EMC8: variants seen among roughly 807,000 people sequenced by gnomAD.
The protein encoded by EMC8 is COX4 neighbor.
In EMC8, 11 loss-of-function variants were observed where a neutral mutation model predicts 24.3. That is an observed-to-expected ratio of 0.45 (90% CI 0.28 to 0.75). The LOEUF is 0.75. Ranked by LOEUF, EMC8 falls within the 30% of genes least tolerant of loss-of-function variation. The probability of loss-of-function intolerance (pLI) is 0.12; values close to 1 mark genes in which losing one functional copy is unlikely to be tolerated. For missense variants in EMC8, 277 were observed against 282.7 expected (o/e 0.98, Z 0.14); for synonymous variants, 145 against 117.7 (o/e 1.23, Z -1.50).
intron 1 of EMC8, among the ~76,000 whole-genome samples, chr16:85,797,806 T>A (rs966067685): frequency 6.6e-6 from 1 of 152,252 alleles, no homozygotes; most frequent in Admixed American, 6.5e-5. Flanking sequence ...TTAGCTACTA[T>A]TTTTTAGCAT....
chr16:85,786,823 G>A (rs1253539135), intron 2 of EMC8, among the ~76,000 whole-genome samples: 1 of 152,180 alleles, frequency 6.6e-6, no homozygotes, highest in African/African-American at 2.4e-5. Context: ...TCAGCACAGA[G>A]GTAAGAACAT....
intron 4 of EMC8, 192 bp downstream of exon 4, chr16:85,780,187 G>T (rs193201042): frequency 3.3e-6 from 2 of 612,620 alleles, no homozygotes; most frequent in East Asian, 5.5e-5. Flanking sequence ...GGGAAGACCT[G>T]TGGGTACCAC....
intron 1 of EMC8, among the ~76,000 whole-genome samples, chr16:85,798,354 T>C (rs1905364575): frequency 6.6e-6 from 1 of 152,072 alleles, no homozygotes; most frequent in South Asian, 2.1e-4. Flanking sequence ...ACTTCTGACC[T>C]CAGGTGATCC....
intron 1 of EMC8, among the ~76,000 whole-genome samples, chr16:85,797,392 G>A (rs1389864373): frequency 1.3e-5 from 2 of 152,054 alleles, no homozygotes; most frequent in East Asian, 3.9e-4. Context: ...TGGGTGACAA[G>A]AGCGAAACTC....
intron 1 of EMC8, among the ~76,000 whole-genome samples, chr16:85,791,254 C>T (rs1039118423): frequency 2.0e-5 from 3 of 151,964 alleles, no homozygotes; most frequent in Admixed American, 6.6e-5. Flanking sequence ...CTTCAAATTC[C>T]CTAATTTCTT....
chr16:85,799,146 G>C lies in EMC8; in HGVS notation c.150C>G (p.His50Gln). 1 of 1,604,642 alleles carries C rather than the reference G, an allele frequency of 6.2e-7. No individual in the cohort carries two copies. ...EHLPLGGPGAHHTLFVDCIPL... is the reference protein window; with the variant it reads ...EHLPLGGPGAQHTLFVDCIPL... Reference sequence around the variant, plus strand: ...GGATGCAGTCCACGAAGAGGGTGTGGTGGGCGCCGGGGCCGCCCAGGGGGA... The same window carrying C: ...GGATGCAGTCCACGAAGAGGGTGTGCTGGGCGCCGGGGCCGCCCAGGGGGA... The change falls in exon 1 of 5, where the codon CAC becomes CAG. Residue 50 changes from histidine to glutamine, a missense_variant. His to Gln is a conservative substitution (Grantham distance 24, BLOSUM62 0). Coordinates refer to ENST00000253457, the MANE Select transcript of EMC8 (RefSeq NM_006067.5). The surrounding 1 kb of genome is among the most constrained non-coding windows in gnomAD (Gnocchi z 4.2).
chr16:85,786,367 A>G (rs1445764782), intron 2 of EMC8, among the ~76,000 whole-genome samples: 1 of 152,218 alleles, frequency 6.6e-6, no homozygotes, highest in East Asian at 1.9e-4. Context: ...AAGCAAAACC[A>G]TACTTAAGTC....
intron 1 of EMC8, among the ~76,000 whole-genome samples, chr16:85,794,455 G>A (rs951477048): frequency 3.9e-5 from 6 of 152,178 alleles, no homozygotes; most frequent in African/African-American, 4.8e-5. Context: ...TTGGGAGGGC[G>A]AGGCGAGCGG....
intron 1 of EMC8, chr16:85,792,330 G>C (rs1337486686): frequency 6.6e-6 from 1 of 152,194 alleles, no homozygotes; most frequent in East Asian, 1.9e-4. Flanking sequence ...TCTTTGAAGA[G>C]GTTGCCCTTA....
intron 1 of EMC8, among the ~76,000 whole-genome samples, chr16:85,792,071 A>G (rs1206265484): frequency 6.6e-6 from 1 of 152,106 alleles, no homozygotes; most frequent in East Asian, 1.9e-4. Context: ...TCAGTTGGCT[A>G]CTCCATCTCT....
intron 3 of EMC8, chr16:85,780,706 A>G (rs995144086): frequency 1.6e-5 from 9 of 562,858 alleles, no homozygotes; most frequent in South Asian, 4.2e-5. Context: ...GCTTCCAAAC[A>G]TGACTTCTTC....
At chr16:85,782,161 C>T (rs1381978719) in intron 2 of EMC8, among the ~76,000 whole-genome samples, 1 of 152,194 alleles carries the variant, frequency 6.6e-6, no homozygotes, top group Non-Finnish European at 1.5e-5. Context: ...CCAAGCCTCC[C>T]GGGCCCGCCT....
chr16:85,780,337 C>A, intron 4 of EMC8, 42 bp downstream of exon 4: 1 of 1,503,916 alleles, frequency 6.6e-7, no homozygotes, highest in Non-Finnish European at 9.2e-7. Context: ...TGGCCGGGCG[C>A]TGAAGGAGCC....
At chr16:85,791,816 C>A (rs566441393) in intron 1 of EMC8, among the ~76,000 whole-genome samples, 1 of 152,282 alleles carries the variant, frequency 6.6e-6, no homozygotes, top group East Asian at 1.9e-4. Context: ...CTCCCCTTTA[C>A]AAAGGTCTTT....
Position 85,779,601 on chromosome 16 carries a change from C to T in EMC8, c.*107G>A, listed in dbSNP as rs145590010. The T allele has an allele frequency of 5.4e-4, 649 of 1,196,682 alleles. 1 individual carries two copies. In the African/African-American group the frequency reaches 6.6e-3, roughly 12 times the overall value. 74.1% of individuals were successfully genotyped at this position (1,196,682 alleles called of 1,614,324 possible). On this transcript the variant is annotated 3_prime_UTR_variant, in exon 5 of 5. Transcript: ENST00000253457. ...TCAAGGCACATGCCACTTCTTAAAACGGTCAGCTTTCCACACAGGCTACAA... is the reference window on the plus strand; with the variant it reads ...TCAAGGCACATGCCACTTCTTAAAATGGTCAGCTTTCCACACAGGCTACAA...
At position 85,788,946 on chromosome 16, in the gene EMC8, G is replaced by A. The variant is rs767290019; in HGVS notation, c.308+28C>T. 6.4e-6 allele frequency: 10 copies of A among 1,557,342 alleles called. No individual in the cohort carries two copies. In the East Asian group the frequency reaches 1.1e-4, roughly 17 times the overall value. ...CTGCCCAACACGTGCTCACTTCCTCGCCCACAGAGGGTTCTGCATCCACGT... is the reference window on the plus strand; with the variant it reads ...CTGCCCAACACGTGCTCACTTCCTCACCCACAGAGGGTTCTGCATCCACGT... On this transcript the variant is annotated intron_variant, in intron 2 of 4. Transcript: ENST00000253457.
At chr16:85,789,802 A>C (rs560916793) in intron 1 of EMC8, among the ~76,000 whole-genome samples, 20 of 151,276 alleles carry the variant, frequency 1.3e-4, no homozygotes, top group African/African-American at 4.2e-4. Flanking sequence ...CCGTCTCAAA[A>C]AAAAAAAAAA....
Position 85,780,457 on chromosome 16 carries a change from A to C in EMC8, c.395T>G (p.Phe132Cys). The change falls in exon 4 of 5, where the codon TTT becomes TGT. Residue 132 changes from phenylalanine (F) to cysteine (C), a missense_variant. Coordinates refer to ENST00000253457, the MANE Select transcript of EMC8 (RefSeq NM_006067.5). The part of the protein sequence containing the change: ...TALIMVDNTK[F>C]TMDCVAPTIH... Reference sequence around the variant, plus strand: ...CGTAGGCGCTACGCAGTCCATCGTAAACTTGGTGTTGTCTACCTGAGCACA... The same window carrying C: ...CGTAGGCGCTACGCAGTCCATCGTACACTTGGTGTTGTCTACCTGAGCACA... The C allele has an allele frequency of 6.2e-7, 1 of 1,613,938 alleles. No individual in the cohort carries two copies. Among genetic ancestry groups the C allele is most frequent in the Non-Finnish European group, 8.5e-7 (1 of 1,179,860 alleles).
intron 1 of EMC8, 127 bp downstream of exon 1, chr16:85,798,938 G>A: frequency 1.5e-6 from 1 of 648,904 alleles, no homozygotes; most frequent in Non-Finnish European, 2.6e-6. Flanking sequence ...CCCATTCCTG[G>A]CCACGGCAAC....
Sources: allele counts gnomAD v4.1 joint callset (sites outside exome capture counted in the v4.1 genomes callset), GRCh38; gene constraint gnomAD v4.1.1; non-coding constraint Gnocchi (gnomAD v3.1); transcripts MANE v1.5; gene names NCBI Gene and HGNC (gene_info 2026-07-23, HGNC 2026-07-21).